TCF20: variants seen among roughly 807,000 people sequenced by gnomAD.
The protein encoded by TCF20 is transcription factor 20.
A neutral mutation model predicts 148.6 loss-of-function variants in TCF20; 3 were observed. That is an observed-to-expected ratio of 0.02 (90% CI 0.01 to 0.05). The LOEUF is 0.05. Among genes scored for constraint, TCF20 ranks in the 10% least tolerant of loss-of-function variants. The pLI, the probability that TCF20 is intolerant of heterozygous loss-of-function variation, is 1.00. For synonymous variants in TCF20, 1,049 were observed against 909.5 expected (o/e 1.15, Z -2.76); for missense variants, 2,350 against 2,429.3 (o/e 0.97, Z 0.69).
intron 2 of TCF20, among the ~76,000 whole-genome samples, chr22:42,183,873 A>G (rs1936909938): frequency 1.3e-5 from 2 of 150,812 alleles, no homozygotes; most frequent in Non-Finnish European, 2.9e-5. Context: ...GGTTCAAGCG[A>G]TTCCCCTGCC....
intron 1 of TCF20, among the ~76,000 whole-genome samples, chr22:42,340,227 G>A (rs1928140376): frequency 6.6e-6 from 1 of 152,188 alleles, no homozygotes; most frequent in African/African-American, 2.4e-5. Context: ...CTGTTCCCAG[G>A]TCTGTTTCCC....
chr22:42,200,257 C>A (rs1241122726), intron 2 of TCF20, among the ~76,000 whole-genome samples: 1 of 152,160 alleles, frequency 6.6e-6, no homozygotes, highest in Non-Finnish European at 1.5e-5. Context: ...CCCCTCACCT[C>A]GCCCACTGAC....
intron 1 of TCF20, among the ~76,000 whole-genome samples, chr22:42,238,897 C>T (rs563065719): frequency 6.6e-6 from 1 of 151,814 alleles, no homozygotes; most frequent in East Asian, 1.9e-4. Flanking sequence ...GTGGGTGGAT[C>T]ATGAGGTCAG....
chr22:42,188,788 T>C (rs1447494979), intron 2 of TCF20, among the ~76,000 whole-genome samples: 2 of 152,238 alleles, frequency 1.3e-5, no homozygotes, highest in African/African-American at 4.8e-5. Context: ...TTTTATTGCA[T>C]GCCTGTGTGC....
chr22:42,184,432 A>G lies in TCF20; in HGVS notation c.5656-4730T>C, dbSNP rs550885729. ...TAAATACTTATCTATAGTATCTTCC[A>G]TGTGTAAGGTTTTCCCTTCTACCCA... On this transcript the variant is annotated intron_variant, in intron 2 of 5. Transcript: ENST00000677622. Among the ~76,000 whole-genome samples, 4 of 152,292 alleles carry G rather than the reference A, an allele frequency of 2.6e-5. No homozygotes were observed. In the South Asian group the frequency reaches 6.2e-4, roughly 24 times the overall value.
chr22:42,181,100 G>A (rs1421323831), intron 2 of TCF20, among the ~76,000 whole-genome samples: 2 of 152,218 alleles, frequency 1.3e-5, no homozygotes, highest in East Asian at 1.9e-4. Flanking sequence ...CAGTGCCACA[G>A]AGCATCTCAG....
intron 1 of TCF20, among the ~76,000 whole-genome samples, chr22:42,247,113 T>C (rs1031432956): frequency 6.6e-6 from 1 of 151,780 alleles, no homozygotes; most frequent in Non-Finnish European, 1.5e-5. Context: ...AAAGTAACAT[T>C]TGAGAAAGGC....
In TCF20 at chr22:42,168,793, C is replaced by CAGGGAGGGCAA. The variant is rs1005280457; in HGVS notation, c.5800-68_5800-58dup. 2.0e-5 allele frequency: 31 copies of CAGGGAGGGCAA among 1,526,034 alleles called. No individual in the cohort carries two copies. The African/African-American group carries it at 2.9e-4, about 14-fold the overall frequency. 94.5% of individuals were successfully genotyped at this position (1,526,034 alleles called of 1,614,324 possible). A position where few individuals can be genotyped will look rare whatever the true frequency, so the allele number is the denominator to read the frequency against. ...AGGTGGGAGAGGACAGTGCAGAAATCAGGGAGGGCAAAGGGAGGACAGGAG... is the reference window on the plus strand; with the variant it reads ...AGGTGGGAGAGGACAGTGCAGAAATCAGGGAGGGCAAAGGGAGGGCAAAGGGAGGACAGGAG... On this transcript the variant is annotated intron_variant, in intron 4 of 5. Transcript: ENST00000677622.
chr22:42,309,286 T>C (rs1927490359), intron 1 of TCF20, among the ~76,000 whole-genome samples: 1 of 152,054 alleles, frequency 6.6e-6, no homozygotes, highest in Non-Finnish European at 1.5e-5. Flanking sequence ...AGCCCCCGCC[T>C]GCCCTGTCAG....
chr22:42,340,738 G>T (rs1165607859), intron 1 of TCF20, among the ~76,000 whole-genome samples: 2 of 152,084 alleles, frequency 1.3e-5, no homozygotes, highest in Non-Finnish European at 2.9e-5. Flanking sequence ...TCATCAGGAC[G>T]CACAGCAAGG....
chr22:42,207,678 G>A (rs1248103186), intron 2 of TCF20, among the ~76,000 whole-genome samples: 4 of 152,318 alleles, frequency 2.6e-5, no homozygotes. Context: ...AGCTGTGCAT[G>A]GTGGCGCATG....
At chr22:42,325,116 C>T (rs944279447) in intron 1 of TCF20, among the ~76,000 whole-genome samples, 12 of 152,276 alleles carry the variant, frequency 7.9e-5, no homozygotes, top group African/African-American at 2.9e-4. Context: ...ACTACAGATG[C>T]CTCTCCGTGC....
chr22:42,295,590 G>T (rs773812002), intron 1 of TCF20, among the ~76,000 whole-genome samples: 4 of 151,932 alleles, frequency 2.6e-5, no homozygotes, highest in East Asian at 1.9e-4. Flanking sequence ...ATTACAGGCA[G>T]GCACCACCAC....
At chr22:42,192,470 G>A (rs1266916198) in intron 2 of TCF20, among the ~76,000 whole-genome samples, 1 of 152,156 alleles carries the variant, frequency 6.6e-6, no homozygotes, top group East Asian at 1.9e-4. Context: ...AACAGGTTGA[G>A]GTATTGTCAG....
At chr22:42,222,975 C>T (rs528233704) in intron 1 of TCF20, among the ~76,000 whole-genome samples, 11 of 152,176 alleles carry the variant, frequency 7.2e-5, no homozygotes, top group South Asian at 4.2e-4. Context: ...AACAAGACCC[C>T]GTCTCCACAA....
chr22:42,252,664 T>C (rs1925476468), intron 1 of TCF20, among the ~76,000 whole-genome samples: 1 of 152,186 alleles, frequency 6.6e-6, no homozygotes, highest in Admixed American at 6.5e-5. Flanking sequence ...TTGGCCAGGA[T>C]GGTCTTAATT....
At chr22:42,260,807 G>A (rs1297160205) in intron 1 of TCF20, among the ~76,000 whole-genome samples, 3 of 152,092 alleles carry the variant, frequency 2.0e-5, no homozygotes, top group Non-Finnish European at 2.9e-5. Flanking sequence ...TGAATATAAC[G>A]CGAACAGAAC....
intron 2 of TCF20, among the ~76,000 whole-genome samples, chr22:42,195,162 T>C (rs1286758128): frequency 6.7e-6 from 1 of 149,538 alleles, no homozygotes; most frequent in African/African-American, 2.4e-5. Context: ...ATTCAGGAGT[T>C]GTGTTTTTCA....
In TCF20 at chr22:42,214,532, C is replaced by T; in HGVS notation, c.774G>A (p.Gln258=). 6.2e-7 allele frequency: 1 copy of T among 1,614,184 alleles called. No homozygotes were observed. The highest frequency in any genetic ancestry group is 8.5e-7 in the Non-Finnish European group (1 of 1,180,046). ...PSPQRFSQSG[Q]SYDGSYNVNA... ...TCACATTGTAACTGCCATCATAGCT[C>T]TGTCCAGACTGGCTAAAACGCTGTG... Residue 258 remains glutamine (Q), a synonymous_variant, in exon 2 of 6, where the codon CAG becomes CAA. Transcript: ENST00000677622.
Sources: allele counts gnomAD v4.1 joint callset (sites outside exome capture counted in the v4.1 genomes callset), GRCh38; gene constraint gnomAD v4.1.1; transcripts MANE v1.5; gene names NCBI Gene and HGNC (gene_info 2026-07-23, HGNC 2026-07-21).